Variants in TBL1X observed in about 807,000 individuals in gnomAD.
TBL1X encodes the protein transducin beta like 1 X-linked.
In TBL1X, 10 loss-of-function variants were observed where a neutral mutation model predicts 50.7. That is an observed-to-expected ratio of 0.20 (90% CI 0.12 to 0.33). The LOEUF is 0.33. Ranked by LOEUF, TBL1X falls within the 10% of genes least tolerant of loss-of-function variation. TBL1X has a pLI of 1.00. For synonymous variants in TBL1X, 190 were observed against 214.7 expected (o/e 0.88, Z 1.01); for missense variants, 340 against 504.4 (o/e 0.67, Z 3.12).
At chrX:9,620,671 G>T (rs1325810619) in intron 2 of TBL1X, among the ~76,000 whole-genome samples, 4 of 112,070 alleles carry the variant, frequency 3.6e-5, no homozygotes. Context: ...GAAACTGAGG[G>T]AAAACACAGG....
chrX:9,652,097 G>A (rs2082838786), intron 3 of TBL1X, among the ~76,000 whole-genome samples: 1 of 112,325 alleles, frequency 8.9e-6, no homozygotes, highest in African/African-American at 3.2e-5. Flanking sequence ...TTTCTTCCAA[G>A]CACAGGTTGT....
At chrX:9,597,522 A>G (rs1406113628) in intron 2 of TBL1X, among the ~76,000 whole-genome samples, 1 of 112,390 alleles carries the variant, frequency 8.9e-6, no homozygotes, top group African/African-American at 3.2e-5. Flanking sequence ...GTGAATGCCT[A>G]GTTCCTTGCA....
intron 2 of TBL1X, among the ~76,000 whole-genome samples, chrX:9,623,466 C>A (rs1387420949): frequency 9.0e-6 from 1 of 110,852 alleles, no homozygotes; most frequent in Admixed American, 9.6e-5. Context: ...GTGGGAGGAT[C>A]ATTTGAGCCC....
At chrX:9,629,690 T>TA (rs2082710588) in intron 2 of TBL1X, among the ~76,000 whole-genome samples, 1 of 111,825 alleles carries the variant, frequency 8.9e-6, no homozygotes, top group Non-Finnish European at 1.9e-5. Context: ...TTCCTTGATT[T>TA]AAAAAAACGG....
chrX:9,693,892 C>T (rs1443155473), intron 11 of TBL1X, among the ~76,000 whole-genome samples: 1 of 111,354 alleles, frequency 9.0e-6, no homozygotes, highest in African/African-American at 3.3e-5. Flanking sequence ...TACAAGGGCA[C>T]GCTCTTCCGA....
At chrX:9,481,910 A>T (rs977865937) in intron 1 of TBL1X, among the ~76,000 whole-genome samples, 1 of 112,486 alleles carries the variant, frequency 8.9e-6, no homozygotes, top group African/African-American at 3.2e-5. Context: ...AGCTGACCTT[A>T]TGCAAACACT....
chrX:9,562,289 C>CT (rs757333825), intron 2 of TBL1X, among the ~76,000 whole-genome samples: 19 of 112,188 alleles, frequency 1.7e-4, no homozygotes, highest in African/African-American at 6.1e-4. Context: ...GATTCTTTTT[C>CT]TTTCTCTCAC....
In TBL1X at chrX:9,500,065, G is replaced by A. The variant is rs375438442; in HGVS notation, c.-200-1715G>A. ...TTTGGGAGGCTGAGACGGGAGGATT[G>A]CTTGAGCCCAGGAGTTCGAGATTAG... is the stretch of plus-strand genomic sequence containing the variant. On this transcript the variant is annotated intron_variant, in intron 1 of 17. Transcript: ENST00000645353. Among the ~76,000 whole-genome samples, 60 of 107,816 alleles carry A rather than the reference G, an allele frequency of 5.6e-4. 1 individual carries two copies. The highest frequency in any genetic ancestry group is 3.5e-3 in the East Asian group (12 of 3,409). The allele number at this position is 107,816 out of a possible 115,157, so 93.6% of individuals were successfully genotyped here.
intron 1 of TBL1X, among the ~76,000 whole-genome samples, chrX:9,482,365 T>G (rs1200695674): frequency 8.9e-6 from 1 of 112,053 alleles, no homozygotes; most frequent in Admixed American, 9.5e-5. Flanking sequence ...AAATGCCTCT[T>G]ACAGAAGCTT....
intron 5 of TBL1X, among the ~76,000 whole-genome samples, chrX:9,669,478 A>G (rs2082948582): frequency 8.9e-6 from 1 of 111,811 alleles, no homozygotes; most frequent in African/African-American, 3.3e-5. Flanking sequence ...TAGCCGCCCC[A>G]TGTCTGATTG....
intron 2 of TBL1X, among the ~76,000 whole-genome samples, chrX:9,599,375 C>A (rs1021108765): frequency 4.4e-5 from 5 of 112,451 alleles, no homozygotes; most frequent in Non-Finnish European, 9.4e-5. Context: ...CTTCAACATA[C>A]GCCTTGGGAT....
chrX:9,577,623 C>T (rs1040720497), intron 2 of TBL1X, among the ~76,000 whole-genome samples: 1 of 112,018 alleles, frequency 8.9e-6, no homozygotes, highest in African/African-American at 3.3e-5. Flanking sequence ...GTGCACAGGA[C>T]GGCCTCATAA....
At chrX:9,626,735 C>G (rs959991569) in intron 2 of TBL1X, among the ~76,000 whole-genome samples, 3 of 112,191 alleles carry the variant, frequency 2.7e-5, no homozygotes, top group Non-Finnish European at 5.6e-5. Flanking sequence ...GAAAACCTCA[C>G]TATTTAGCCA....
chrX:9,702,452 A>C (rs982054091), intron 12 of TBL1X, among the ~76,000 whole-genome samples: 5 of 106,113 alleles, frequency 4.7e-5, no homozygotes, highest in Non-Finnish European at 9.7e-5. Context: ...AAAAAAAAAA[A>C]AAAAAAAACT....
intron 2 of TBL1X, among the ~76,000 whole-genome samples, chrX:9,576,856 C>T (rs1487859343): frequency 1.8e-5 from 2 of 109,472 alleles, no homozygotes; most frequent in Non-Finnish European, 3.8e-5. Context: ...AAAAATTAGC[C>T]GGGAGTGGTG....
intron 11 of TBL1X, among the ~76,000 whole-genome samples, chrX:9,695,007 C>A (rs1042480736): frequency 8.6e-5 from 9 of 104,365 alleles, no homozygotes; most frequent in African/African-American, 3.1e-4. Flanking sequence ...AAATGATAGA[C>A]TTGACCTCTG....
chrX:9,620,892 A>G (rs1239068405), intron 2 of TBL1X, among the ~76,000 whole-genome samples: 1 of 111,866 alleles, frequency 8.9e-6, no homozygotes, highest in Non-Finnish European at 1.9e-5. Flanking sequence ...AGATAACCTC[A>G]CCTTCCACTA....
chrX:9,504,777 G>C (rs1185231800), intron 2 of TBL1X, among the ~76,000 whole-genome samples: 2 of 111,754 alleles, frequency 1.8e-5, no homozygotes, highest in African/African-American at 6.5e-5. Flanking sequence ...AGAGAAAAAA[G>C]AATGAACAAA....
At chrX:9,609,104 T>C (rs16985606) in intron 2 of TBL1X, among the ~76,000 whole-genome samples, 5,223 of 111,818 alleles carry the variant, frequency 0.047, 153 homozygotes, top group African/African-American at 0.11. Context: ...TAAACGTTCT[T>C]AGAAGAAAAG....
Sources: allele counts gnomAD v4.1 joint callset (sites outside exome capture counted in the v4.1 genomes callset), GRCh38; gene constraint gnomAD v4.1.1; transcripts MANE v1.5; gene names NCBI Gene and HGNC (gene_info 2026-07-23, HGNC 2026-07-21).